The following CLVS1 variants were observed in gnomAD, a reference collection of about 807,000 sequenced individuals.
CLVS1 encodes clavesin 1.
A neutral mutation model predicts 33.1 loss-of-function variants in CLVS1; 10 were observed. The ratio of observed to expected loss-of-function variants is 0.30; its 90% CI spans 0.19 to 0.51. The LOEUF (loss-of-function observed/expected upper bound fraction) is 0.51. CLVS1 is among the 20% of genes least tolerant of loss of function. CLVS1 has a pLI of 0.97. For missense variants in CLVS1, 343 were observed against 433.4 expected (o/e 0.79, Z 1.85); for synonymous variants, 163 against 166.1 (o/e 0.98, Z 0.14).
At chr8:61,124,241 A>G (rs904686621) in intron 1 of CLVS1, among the ~76,000 whole-genome samples, 1 of 152,200 alleles carries the variant, frequency 6.6e-6, no homozygotes, top group Non-Finnish European at 1.5e-5. Flanking sequence ...CCACGAGTCG[A>G]ATTAAAGCGA....
At chr8:61,209,832 G>A (rs996380617) in intron 2 of CLVS1, among the ~76,000 whole-genome samples, 1 of 150,122 alleles carries the variant, frequency 6.7e-6, no homozygotes, top group African/African-American at 2.5e-5. Flanking sequence ...AATCTTTTGA[G>A]TGTGTTTTTG....
At chr8:60,978,302 C>A in the CLVS1 span, among the ~76,000 whole-genome samples, 1 of 151,986 alleles carries the variant, frequency 6.6e-6, no homozygotes, top group African/African-American at 2.4e-5. Context: ...TTTTCTTTTC[C>A]TAGATAATTG....
chr8:61,493,208 T>C (rs1050583370), intron 5 of CLVS1, among the ~76,000 whole-genome samples: 80 of 152,254 alleles, frequency 5.3e-4, no homozygotes, highest in African/African-American at 1.9e-3. Flanking sequence ...TTTGAAATGT[T>C]AGTTTTTCAT....
At chr8:61,465,575 G>A (rs1817518190) in intron 5 of CLVS1, 1 of 152,112 alleles carries the variant, frequency 6.6e-6, no homozygotes, top group African/African-American at 2.4e-5. Flanking sequence ...ATGCCATGGT[G>A]GGCTTTTGAG....
intron 2 of CLVS1, among the ~76,000 whole-genome samples, chr8:61,273,479 C>A (rs1809493635): frequency 1.3e-5 from 2 of 152,228 alleles, no homozygotes; most frequent in Admixed American, 1.3e-4. Context: ...GTGGAGCCTA[C>A]AGAGGCAGGC....
intron 5 of CLVS1, among the ~76,000 whole-genome samples, chr8:61,480,229 A>G (rs768212234): frequency 1.3e-5 from 2 of 152,208 alleles, no homozygotes; most frequent in African/African-American, 4.8e-5. Flanking sequence ...GGTGGGCTCC[A>G]CCCAGTTCGA....
intron 2 of CLVS1, among the ~76,000 whole-genome samples, chr8:61,308,411 T>A (rs984635718): frequency 1.3e-5 from 2 of 152,170 alleles, no homozygotes; most frequent in South Asian, 4.2e-4. Context: ...TCCATGGAGC[T>A]TCTGAAAGAC....
intron 2 of CLVS1, among the ~76,000 whole-genome samples, chr8:61,162,087 G>A (rs534826830): frequency 2.6e-5 from 4 of 152,142 alleles, no homozygotes; most frequent in South Asian, 2.1e-4. Flanking sequence ...CCTTCTTGCC[G>A]TCTTTCCCAG....
chr8:61,061,819 A>T (rs896006127), intron 1 of CLVS1, among the ~76,000 whole-genome samples: 1 of 151,488 alleles, frequency 6.6e-6, no homozygotes, highest in Non-Finnish European at 1.5e-5. Flanking sequence ...GAATTTATTG[A>T]CTCACAGAAG....
At chr8:61,431,948 A>T (rs1241994468) in intron 3 of CLVS1, among the ~76,000 whole-genome samples, 1 of 152,230 alleles carries the variant, frequency 6.6e-6, no homozygotes, top group African/African-American at 2.4e-5. Flanking sequence ...AGTGAAATGT[A>T]GAAAATATTT....
In CLVS1 at chr8:61,443,517, G is replaced by A. The variant is rs74850279; in HGVS notation, c.631-10624G>A. 4.0e-3 allele frequency among the ~76,000 whole-genome samples: 603 copies of A among 152,220 alleles called. 2 individuals are homozygous for A. Among genetic ancestry groups the A allele is most frequent in the African/African-American group, 0.013 (548 of 41,544 alleles). On this transcript the variant is annotated intron_variant, in intron 3 of 5. Coordinates refer to ENST00000325897, the MANE Select transcript of CLVS1 (RefSeq NM_173519.3). The stretch of plus-strand genomic sequence containing the variant: ...TGAAAACTATCTTTATGCCACTGGA[G>A]TGCTTTTATACCTTAGTCAAAAACC...
At chr8:61,315,045 G>C (rs977309602) in intron 2 of CLVS1, among the ~76,000 whole-genome samples, 1 of 152,172 alleles carries the variant, frequency 6.6e-6, no homozygotes, top group East Asian at 1.9e-4. Flanking sequence ...TTCCACTGCA[G>C]CATCTGTTTG....
the CLVS1 span, among the ~76,000 whole-genome samples, chr8:60,995,230 C>T: frequency 6.6e-6 from 1 of 151,928 alleles, no homozygotes; most frequent in East Asian, 1.9e-4. Flanking sequence ...AGGCAACCTA[C>T]AAAATGGGAG....
intron 3 of CLVS1, among the ~76,000 whole-genome samples, chr8:61,387,844 C>G (rs1379284827): frequency 6.6e-6 from 1 of 152,142 alleles, no homozygotes; most frequent in Non-Finnish European, 1.5e-5. Flanking sequence ...CCATGGTATA[C>G]ATATATCACA....
Position 61,376,863 on chromosome 8 carries a change from C to T in CLVS1, c.630+84C>T. On this transcript the variant is annotated intron_variant, in intron 3 of 5. Coordinates refer to ENST00000325897, the MANE Select transcript of CLVS1 (RefSeq NM_173519.3). Reference sequence around the variant, plus strand: ...TATCGCAACCAAAGTAATATTTATCCTTTGGAGTGGAAAAAGGAAACTTGG... The same window carrying T: ...TATCGCAACCAAAGTAATATTTATCTTTTGGAGTGGAAAAAGGAAACTTGG... 4 of 1,278,092 alleles carry T rather than the reference C, an allele frequency of 3.1e-6. No homozygotes were observed. In the South Asian group the frequency reaches 7.3e-5, roughly 23 times the overall value. 79.2% of individuals were successfully genotyped at this position (1,278,092 alleles called of 1,614,324 possible).
intron 5 of CLVS1, among the ~76,000 whole-genome samples, chr8:61,475,782 C>A (rs1310990507): frequency 1.3e-5 from 2 of 151,636 alleles, no homozygotes; most frequent in Non-Finnish European, 3.0e-5. Flanking sequence ...TTTTGCTGTG[C>A]AGAAGCTCTT....
At chr8:61,188,794 A>G (rs568179089) in intron 2 of CLVS1, among the ~76,000 whole-genome samples, 7 of 152,204 alleles carry the variant, frequency 4.6e-5, no homozygotes, top group African/African-American at 1.7e-4. Flanking sequence ...CAGAAAAATA[A>G]TTTATATTTA....
At position 61,126,532 on chromosome 8, in the gene CLVS1, AT is replaced by A. The variant is rs1305270508; in HGVS notation, c.-242-5237del. Among the ~76,000 whole-genome samples the A allele has an allele frequency of 2.0e-5, 3 of 152,366 alleles. No individual in the cohort carries two copies. In the Middle Eastern group the frequency reaches 0.01, roughly 518 times the overall value. Reference sequence around the variant, plus strand: ...GGGCTTATAAATTGTATAGTTTTGTATCCAATGGAACTGATAATATTAAAGA... The same window carrying A: ...GGGCTTATAAATTGTATAGTTTTGTACCAATGGAACTGATAATATTAAAGA... On this transcript the variant is annotated intron_variant, in intron 1 of 2. Coordinates refer to the CLVS1 transcript ENST00000522621.
At chr8:61,129,168 G>T (rs1806037870) in intron 1 of CLVS1, among the ~76,000 whole-genome samples, 1 of 152,240 alleles carries the variant, frequency 6.6e-6, no homozygotes, top group Non-Finnish European at 1.5e-5. Flanking sequence ...GTAGCTAAAT[G>T]GAACTATGTG....
Sources: allele counts gnomAD v4.1 joint callset (sites outside exome capture counted in the v4.1 genomes callset), GRCh38; gene constraint gnomAD v4.1.1; transcripts MANE v1.5; gene names NCBI Gene and HGNC (gene_info 2026-07-23, HGNC 2026-07-21).